Variants in TBXAS1 observed in about 807,000 individuals in gnomAD.
TBXAS1 encodes thromboxane A synthase 1.
Under a neutral mutation model 60.7 loss-of-function variants are expected in TBXAS1, and 48 were observed. The ratio of observed to expected loss-of-function variants is 0.79; its 90% CI spans 0.63 to 1.01. TBXAS1 has a LOEUF of 1.01. Ranked by LOEUF, TBXAS1 falls within the 50% of genes least tolerant of loss-of-function variation. The probability of loss-of-function intolerance (pLI) is 0.00; values close to 1 mark genes in which losing one functional copy is unlikely to be tolerated. For missense variants in TBXAS1, 685 were observed against 686.3 expected, an observed-to-expected ratio of 1.00 and a Z score of 0.02; for synonymous variants, 287 against 269.7, an observed-to-expected ratio of 1.06 and a Z score of -0.63.
intron 1 of TBXAS1, among the ~76,000 whole-genome samples, chr7:139,845,071 C>T (rs1799708495): frequency 6.6e-6 from 1 of 152,176 alleles, no homozygotes; most frequent in Non-Finnish European, 1.5e-5. Flanking sequence ...AGTCTTGACT[C>T]CCAAGTGTTC....
intron 4 of TBXAS1, 24 bp downstream of exon 4, chr7:139,911,345 T>C (rs1805503896): frequency 6.3e-7 from 1 of 1,576,604 alleles, no homozygotes; most frequent in East Asian, 2.2e-5. Context: ...TTTCCGCATA[T>C]AGATGGATGG....
chr7:139,856,821 A>C, intron 1 of TBXAS1, among the ~76,000 whole-genome samples: 2 of 152,150 alleles, frequency 1.3e-5, no homozygotes, highest in East Asian at 3.9e-4. Context: ...GTGGTCTCGT[A>C]TCAGGCAAAA....
At chr7:139,892,017 C>T (rs1215528692) in intron 3 of TBXAS1, among the ~76,000 whole-genome samples, 4 of 152,110 alleles carry the variant, frequency 2.6e-5, no homozygotes, top group Non-Finnish European at 5.9e-5. Context: ...TGTGTAAGGC[C>T]ACCTTGGGAT....
Position 139,829,309 on chromosome 7 carries a change from C to A in TBXAS1, c.-82C>A. 7.5e-7 allele frequency: 1 copy of A among 1,328,500 alleles called. No individual in the cohort carries two copies. The highest frequency in any genetic ancestry group is 1.1e-6 in the Non-Finnish European group (1 of 938,160). 82.3% of individuals were successfully genotyped at this position (1,328,500 alleles called of 1,614,324 possible). On this transcript the variant is annotated 5_prime_UTR_variant, in exon 1 of 13. The change creates a premature stop within an existing upstream ORF in the 5' untranslated region. Coordinates refer to ENST00000448866, the MANE Select transcript of TBXAS1 (RefSeq NM_001061.7). ...GGTTGCCTGTTCCCTTTTCTACCTG[C>A]AGAGCACGGTTCCCATAAGGGCGGC... is the stretch of plus-strand genomic sequence containing the variant.
chr7:139,811,466 C>T (rs1233427937), intron 4 of TBXAS1, among the ~76,000 whole-genome samples: 3 of 152,214 alleles, frequency 2.0e-5, no homozygotes, highest in Admixed American at 2.0e-4. Context: ...AGGACAGATG[C>T]TGCTTATGAA....
intron 9 of TBXAS1, among the ~76,000 whole-genome samples, chr7:139,988,832 C>T (rs745409828): frequency 6.6e-6 from 1 of 152,214 alleles, no homozygotes; most frequent in Non-Finnish European, 1.5e-5. Flanking sequence ...GCAAAAGGCA[C>T]AGTCGAGGAC....
intron 3 of TBXAS1, among the ~76,000 whole-genome samples, chr7:139,900,686 T>C (rs1804496982): frequency 1.3e-5 from 2 of 152,240 alleles, no homozygotes; most frequent in Non-Finnish European, 1.5e-5. Flanking sequence ...TTGTGCTTTG[T>C]AGGCAGTCTG....
chr7:139,912,601 T>C (rs1431666120), intron 4 of TBXAS1, among the ~76,000 whole-genome samples: 1 of 152,148 alleles, frequency 6.6e-6, no homozygotes, highest in Admixed American at 6.5e-5. Flanking sequence ...ACTCTCGGTT[T>C]AGTGAGGGAG....
At chr7:139,829,657 T>C (rs1798580714) in intron 1 of TBXAS1, among the ~76,000 whole-genome samples, 178 bp downstream of exon 1, 1 of 152,200 alleles carries the variant, frequency 6.6e-6, no homozygotes, top group Non-Finnish European at 1.5e-5. Context: ...TTTGCTAAAA[T>C]GCATGAGATT....
At chr7:139,827,332 C>T (rs192749134), upstream of TBXAS1, among the ~76,000 whole-genome samples, 1 of 152,322 alleles carries the variant, frequency 6.6e-6, no homozygotes, top group Admixed American at 6.5e-5. Flanking sequence ...CACCCCTTTA[C>T]TTTAAGTTTA....
chr7:139,936,168 C>T (rs368279177), intron 4 of TBXAS1, 23 bp from the exon 5 acceptor site: 74 of 1,613,448 alleles, frequency 4.6e-5, no homozygotes, highest in Non-Finnish European at 6.0e-5. Context: ...AGTCCTGACC[C>T]TCTGCTTGTT....
Position 140,004,714 on chromosome 7 carries a change from T to C in TBXAS1, c.1135-2377T>C, listed in dbSNP as rs753803490. Among the ~76,000 whole-genome samples the C allele has an allele frequency of 3.3e-5, 5 of 152,032 alleles. No individual in the cohort carries two copies. Among genetic ancestry groups the C allele is most frequent in the African/African-American group, 4.8e-5 (2 of 41,392 alleles). Reference sequence around the variant, plus strand: ...GCCAGGGAGGCAGGATCTAGGGAAATTGGTCCAGCTGTCTCCCCTTTCCAC... The same window carrying C: ...GCCAGGGAGGCAGGATCTAGGGAAACTGGTCCAGCTGTCTCCCCTTTCCAC... On this transcript the variant is annotated intron_variant, in intron 9 of 12. Coordinates refer to ENST00000448866, the MANE Select transcript of TBXAS1 (RefSeq NM_001061.7). The surrounding 1 kb of genome is among the most constrained non-coding windows in gnomAD (Gnocchi z 5.1).
intron 3 of TBXAS1, among the ~76,000 whole-genome samples, chr7:139,900,357 A>G (rs1584802739): frequency 6.6e-6 from 1 of 152,126 alleles, no homozygotes; most frequent in Non-Finnish European, 1.5e-5. Flanking sequence ...GTATGGCTGG[A>G]TGAACCCGGA....
At chr7:139,808,133 A>T (rs1585535967) in intron 4 of TBXAS1, among the ~76,000 whole-genome samples, 1 of 151,724 alleles carries the variant, frequency 6.6e-6, no homozygotes, top group African/African-American at 2.4e-5. Context: ...GGAGATTGAG[A>T]CCAGCCTAGG....
At chr7:139,785,412 A>C (rs1430283847) in intron 3 of TBXAS1, among the ~76,000 whole-genome samples, 2 of 151,504 alleles carry the variant, frequency 1.3e-5, no homozygotes, top group African/African-American at 4.9e-5. Flanking sequence ...AACAATAACC[A>C]CCTCCTAGTC....
intron 9 of TBXAS1, among the ~76,000 whole-genome samples, chr7:139,984,832 AGAGG>A (rs1812298967): frequency 6.7e-6 from 1 of 150,366 alleles, no homozygotes; most frequent in Non-Finnish European, 1.5e-5. Context: ...GAAGAAAGAA[AGAGG>A]AAGGAAGGAA....
At chr7:139,855,546 C>A (rs78370645) in intron 1 of TBXAS1, among the ~76,000 whole-genome samples, 5,884 of 152,046 alleles carry the variant, frequency 0.039, 355 homozygotes, top group African/African-American at 0.14. Flanking sequence ...TCATGAAAGA[C>A]AATTTGAGAT....
At chr7:139,819,397 T>C (rs1798233898) in intron 4 of TBXAS1, among the ~76,000 whole-genome samples, 1 of 152,340 alleles carries the variant, frequency 6.6e-6, no homozygotes, top group Non-Finnish European at 1.5e-5. Context: ...TTTGGGCTGT[T>C]ACATGAGTGA....
At chr7:139,800,625 G>A (rs1049130097) in intron 4 of TBXAS1, among the ~76,000 whole-genome samples, 1 of 152,096 alleles carries the variant, frequency 6.6e-6, no homozygotes, top group Non-Finnish European at 1.5e-5. Flanking sequence ...GAAAGACCCC[G>A]GAGTGTTTGT....
Sources: allele counts gnomAD v4.1 joint callset (sites outside exome capture counted in the v4.1 genomes callset), GRCh38; gene constraint gnomAD v4.1.1; non-coding constraint Gnocchi (gnomAD v3.1); transcripts MANE v1.5; gene names NCBI Gene and HGNC (gene_info 2026-07-23, HGNC 2026-07-21).